Variants in PRKAG2 observed in about 807,000 individuals in gnomAD.
PRKAG2 encodes 5'-AMP-activated protein kinase subunit gamma-2.
A neutral mutation model predicts 69.6 loss-of-function variants in PRKAG2; 26 were observed. The observed-to-expected ratio is 0.37, with a 90% CI of 0.27 to 0.52. PRKAG2 has a LOEUF of 0.52. Among genes scored for constraint, PRKAG2 ranks in the 20% least tolerant of loss-of-function variants. PRKAG2 has a pLI of 0.90. For synonymous variants in PRKAG2, 293 were observed against 285.0 expected, an observed-to-expected ratio of 1.03 and a Z score of -0.28; for missense variants, 557 against 740.0, an observed-to-expected ratio of 0.75 and a Z score of 2.87.
chr7:151,565,463 A>G (rs1337969092), intron 12 of PRKAG2, 80 bp from the exon 13 acceptor site: 2 of 1,106,580 alleles, frequency 1.8e-6, no homozygotes. Flanking sequence ...TAATGACATA[A>G]TTACTAAAAG....
intron 5 of PRKAG2, among the ~76,000 whole-genome samples, chr7:151,615,606 C>CT (rs1291938588): frequency 1.3e-5 from 2 of 152,126 alleles, no homozygotes; most frequent in African/African-American, 4.8e-5. Context: ...GCAAAATAAA[C>CT]TATCAACAGA....
At chr7:151,763,503 G>A (rs2075554423) in intron 3 of PRKAG2, among the ~76,000 whole-genome samples, 1 of 152,210 alleles carries the variant, frequency 6.6e-6, no homozygotes, top group African/African-American at 2.4e-5. Flanking sequence ...ATCCACCTGC[G>A]CTTCTGACCC....
chr7:151,842,555 A>T (rs1337694698), intron 1 of PRKAG2, among the ~76,000 whole-genome samples: 4 of 146,376 alleles, frequency 2.7e-5, no homozygotes, highest in Non-Finnish European at 6.0e-5. Flanking sequence ...GTAGGTAGTG[A>T]TGGTAGTGAT....
chr7:151,855,145 TACACACACACCATC>T (rs2079698590), intron 1 of PRKAG2, among the ~76,000 whole-genome samples: 2 of 36,192 alleles, frequency 5.5e-5, no homozygotes, highest in Non-Finnish European at 4.7e-5. Context: ...CACACCACCC[TACACACACACCATC>T]CTCCACACAC....
At chr7:151,730,532 A>T (rs911729606) in intron 3 of PRKAG2, among the ~76,000 whole-genome samples, 22 of 152,182 alleles carry the variant, frequency 1.4e-4, no homozygotes, top group African/African-American at 5.1e-4. Context: ...GTAAAATAAA[A>T]AGAAAATTTC....
chr7:151,766,775 G>T (rs2075754020), intron 3 of PRKAG2, among the ~76,000 whole-genome samples: 1 of 152,240 alleles, frequency 6.6e-6, no homozygotes, highest in Non-Finnish European at 1.5e-5. Flanking sequence ...CTCCGAGCCA[G>T]TCCGGCCTAC....
chr7:151,563,298 G>T (rs1213793248), intron 14 of PRKAG2, among the ~76,000 whole-genome samples: 2 of 152,024 alleles, frequency 1.3e-5, no homozygotes, highest in Admixed American at 1.3e-4. Flanking sequence ...TTTTATTTAG[G>T]GTGTTACACA....
intron 3 of PRKAG2, among the ~76,000 whole-genome samples, chr7:151,724,681 C>T (rs146520273): frequency 0.014 from 2,066 of 152,230 alleles, 50 homozygotes; most frequent in African/African-American, 0.047. Context: ...GGACCCTGCG[C>T]AGGATTCCAG....
chr7:151,688,108 G>A (rs1163750771), intron 3 of PRKAG2, among the ~76,000 whole-genome samples: 1 of 140,538 alleles, frequency 7.1e-6, no homozygotes, highest in East Asian at 2.1e-4. Flanking sequence ...GGAAATAAGG[G>A]AAGGACACCA....
chr7:151,628,113 G>GC (rs1372061045), intron 5 of PRKAG2, among the ~76,000 whole-genome samples: 1 of 152,214 alleles, frequency 6.6e-6, no homozygotes, highest in Non-Finnish European at 1.5e-5. Flanking sequence ...AATCACCACA[G>GC]CAAGTTATCA....
At chr7:151,703,885 C>T (rs984436196) in intron 3 of PRKAG2, among the ~76,000 whole-genome samples, 27 of 146,748 alleles carry the variant, frequency 1.8e-4, no homozygotes, top group Non-Finnish European at 3.6e-4. Flanking sequence ...CACACACACA[C>T]ACACACACAC....
chr7:151,800,740 A>G (rs1049357896), intron 1 of PRKAG2, among the ~76,000 whole-genome samples: 1 of 152,240 alleles, frequency 6.6e-6, no homozygotes. Context: ...ATGAGAGTGT[A>G]ATAGTGGACA....
At chr7:151,742,522 G>A (rs907388822) in intron 3 of PRKAG2, among the ~76,000 whole-genome samples, 5 of 152,044 alleles carry the variant, frequency 3.3e-5, no homozygotes, top group African/African-American at 9.7e-5. Flanking sequence ...TACTCGAGAG[G>A]CTGAGGCAGG....
chr7:151,654,606 C>T (rs1430122942), intron 4 of PRKAG2, among the ~76,000 whole-genome samples: 1 of 152,182 alleles, frequency 6.6e-6, no homozygotes, highest in African/African-American at 2.4e-5. Flanking sequence ...TTTTACTATG[C>T]TCAGTCTGAT....
At chr7:151,742,398 C>T (rs1436196013) in intron 3 of PRKAG2, among the ~76,000 whole-genome samples, 2 of 152,074 alleles carry the variant, frequency 1.3e-5, no homozygotes, top group East Asian at 1.9e-4. Flanking sequence ...GAGGCTGAGG[C>T]GGGTGGATCA....
chr7:151,854,981 ATGC>A lies in PRKAG2; in HGVS notation c.114+21523_114+21525del, dbSNP rs1563756279. The stretch of plus-strand genomic sequence containing the variant: ...CCACATACCACCCTCCACACACACC[ATGC>A]TCCACACACACCATGCTCCACACAC... On this transcript the variant is annotated intron_variant, in intron 1 of 15. Coordinates refer to ENST00000287878, the MANE Select transcript of PRKAG2 (RefSeq NM_016203.4). 1.2e-3 allele frequency among the ~76,000 whole-genome samples: 27 copies of A among 22,120 alleles called. 2 individuals carry two copies. The highest frequency in any genetic ancestry group is 3.6e-3 in the South Asian group (3 of 822). 14.5% of individuals were successfully genotyped at this position (22,120 alleles called of 152,430 possible). A position where few individuals can be genotyped will look rare whatever the true frequency, so the allele number is the denominator to read the frequency against.
chr7:151,617,500 T>C (rs895437510), intron 5 of PRKAG2, among the ~76,000 whole-genome samples: 5 of 152,194 alleles, frequency 3.3e-5, no homozygotes, highest in African/African-American at 1.2e-4. Flanking sequence ...ATTTCATATG[T>C]TTGGAAATTT....
intron 1 of PRKAG2, among the ~76,000 whole-genome samples, chr7:151,875,299 T>C (rs2080359479): frequency 6.6e-6 from 1 of 152,164 alleles, no homozygotes. Flanking sequence ...CTCCACCCTC[T>C]TCACCCAAGC....
At chr7:151,721,595 G>A (rs73484151) in intron 3 of PRKAG2, among the ~76,000 whole-genome samples, 4,228 of 152,256 alleles carry the variant, frequency 0.028, 185 homozygotes, top group African/African-American at 0.097. Flanking sequence ...CGTGACAGTG[G>A]GGGACATATG....
Sources: gnomAD v4.1 joint callset for allele counts (sites outside exome capture counted in the v4.1 genomes callset) on GRCh38, gnomAD v4.1.1 for gene constraint, MANE v1.5 for transcripts, NCBI Gene and HGNC (gene_info 2026-07-23, HGNC 2026-07-21) for gene names.